Variants in SPRED1 observed in about 807,000 individuals in gnomAD.
The protein encoded by SPRED1 is sprouty-related, EVH1 domain-containing protein 1.
In SPRED1, 18 loss-of-function variants were observed where a neutral mutation model predicts 52.3. That is an observed-to-expected ratio of 0.34 (90% CI 0.24 to 0.51). The LOEUF (loss-of-function observed/expected upper bound fraction) is 0.51. Among genes scored for constraint, SPRED1 ranks in the 20% least tolerant of loss-of-function variants. SPRED1 has a pLI of 0.97. For synonymous variants in SPRED1, 155 were observed against 179.7 expected, an observed-to-expected ratio of 0.86 and a Z score of 1.10; for missense variants, 485 against 551.0, an observed-to-expected ratio of 0.88 and a Z score of 1.20.
chr15:38,346,445 G>T (rs1260009611), intron 5 of SPRED1, among the ~76,000 whole-genome samples: 2 of 151,942 alleles, frequency 1.3e-5, no homozygotes, highest in African/African-American at 4.8e-5. Flanking sequence ...AAATATGACA[G>T]CATATTTCAA....
intron 1 of SPRED1, among the ~76,000 whole-genome samples, chr15:38,261,910 G>C (rs1209060196): frequency 6.6e-6 from 1 of 151,356 alleles, no homozygotes; most frequent in East Asian, 1.9e-4. Context: ...TTAGTGAGTT[G>C]TGTCTTTTCT....
chr15:38,283,211 G>A (rs1329777401), intron 1 of SPRED1, among the ~76,000 whole-genome samples: 2 of 152,174 alleles, frequency 1.3e-5, no homozygotes, highest in African/African-American at 2.4e-5. Context: ...GGAGACAAGA[G>A]CGTGTTAAGG....
chr15:38,300,147 T>C (rs1895123901), intron 2 of SPRED1, among the ~76,000 whole-genome samples: 1 of 152,136 alleles, frequency 6.6e-6, no homozygotes, highest in Non-Finnish European at 1.5e-5. Context: ...AGATGTGTGG[T>C]TTCTTACCTG....
At chr15:38,347,876 A>G (rs920843924) in intron 5 of SPRED1, among the ~76,000 whole-genome samples, 1 of 152,088 alleles carries the variant, frequency 6.6e-6, no homozygotes, top group Non-Finnish European at 1.5e-5. Flanking sequence ...TAAAAAGCAG[A>G]AATTAATTGG....
intron 1 of SPRED1, among the ~76,000 whole-genome samples, chr15:38,271,328 A>C (rs917634549): frequency 6.6e-6 from 1 of 152,216 alleles, no homozygotes; most frequent in Non-Finnish European, 1.5e-5. Flanking sequence ...ACACATGTGC[A>C]TTGGAATGCT....
intron 4 of SPRED1, among the ~76,000 whole-genome samples, chr15:38,334,211 C>T (rs962302326): frequency 6.6e-6 from 1 of 151,850 alleles, no homozygotes; most frequent in Non-Finnish European, 1.5e-5. Flanking sequence ...GCATCTATAA[C>T]TAAATATTGT....
At chr15:38,316,175 C>G (rs965673585) in intron 2 of SPRED1, among the ~76,000 whole-genome samples, 2 of 151,992 alleles carry the variant, frequency 1.3e-5, no homozygotes, top group Admixed American at 6.6e-5. Context: ...TCCGCTGTCT[C>G]TTAACCTGGT....
At chr15:38,256,734 C>A (rs141588348) in intron 1 of SPRED1, among the ~76,000 whole-genome samples, 138 of 152,178 alleles carry the variant, frequency 9.1e-4, no homozygotes, top group Non-Finnish European at 1.5e-3. Context: ...AAAAAATATA[C>A]CCAGTGGTGA....
intron 5 of SPRED1, among the ~76,000 whole-genome samples, chr15:38,348,122 T>C (rs1896178538): frequency 6.6e-6 from 1 of 152,048 alleles, no homozygotes; most frequent in Non-Finnish European, 1.5e-5. Flanking sequence ...ATATTTAATA[T>C]ACTAGTTGAG....
At chr15:38,279,411 T>C (rs1421121174) in intron 1 of SPRED1, among the ~76,000 whole-genome samples, 5 of 152,178 alleles carry the variant, frequency 3.3e-5, no homozygotes, top group African/African-American at 1.2e-4. Flanking sequence ...GTCTTAAGAG[T>C]GGATGCAGAA....
intron 1 of SPRED1, among the ~76,000 whole-genome samples, chr15:38,290,144 A>G (rs1005024142): frequency 6.6e-6 from 1 of 152,330 alleles, no homozygotes; most frequent in South Asian, 2.1e-4. Context: ...ATGAACTCTC[A>G]TATTAATGTT....
intron 2 of SPRED1, among the ~76,000 whole-genome samples, chr15:38,318,389 T>G (rs1034963980): frequency 6.6e-6 from 1 of 152,198 alleles, no homozygotes; most frequent in African/African-American, 2.4e-5. Flanking sequence ...GTCAAAGAGC[T>G]AGTTCATTGG....
intron 5 of SPRED1, among the ~76,000 whole-genome samples, chr15:38,345,624 C>T (rs1009329383): frequency 6.6e-6 from 1 of 152,056 alleles, no homozygotes; most frequent in African/African-American, 2.4e-5. Context: ...TGTTGGTTTC[C>T]CTTGCTCCTC....
chr15:38,319,537 G>A (rs891629935), intron 2 of SPRED1, among the ~76,000 whole-genome samples: 1 of 152,084 alleles, frequency 6.6e-6, no homozygotes. Flanking sequence ...CCACCACCAC[G>A]CCCGGCTAAT....
intron 1 of SPRED1, among the ~76,000 whole-genome samples, chr15:38,263,636 G>A (rs564106384): frequency 6.6e-6 from 1 of 152,242 alleles, no homozygotes; most frequent in Non-Finnish European, 1.5e-5. Context: ...TGATTTCTAA[G>A]ACAAGGATAT....
At chr15:38,257,797 A>C (rs2140946732) in intron 1 of SPRED1, among the ~76,000 whole-genome samples, 1 of 152,350 alleles carries the variant, frequency 6.6e-6, no homozygotes, top group Middle Eastern at 3.4e-3. Flanking sequence ...ACTAGGGATA[A>C]AGAAGTGAAA....
chr15:38,324,735 C>T, intron 3 of SPRED1, 28 bp from the exon 4 acceptor site: 2 of 1,566,216 alleles, frequency 1.3e-6, no homozygotes, highest in South Asian at 1.2e-5. Context: ...AAATTCTATA[C>T]TTAATTAACT....
chr15:38,331,542 C>T (rs1473737393), intron 4 of SPRED1, among the ~76,000 whole-genome samples: 1 of 152,086 alleles, frequency 6.6e-6, no homozygotes, highest in Non-Finnish European at 1.5e-5. Flanking sequence ...TTGAGCATCC[C>T]TAATCCACAA....
rs60503156 is a variant in SPRED1, at chr15:38,266,643, A to AAAACAAAC, written c.32+13452_32+13459dup. Reference sequence around the variant, plus strand: ...GCAACAGAGTGAGACTCTGTCTCAAAAAACAAACAAACAAACAAACAAACA... The same window carrying AAAACAAAC: ...GCAACAGAGTGAGACTCTGTCTCAAAAAACAAACAAACAAACAAACAAACAAACAAACA... On this transcript the variant is annotated intron_variant, in intron 1 of 6. Transcript: ENST00000299084. Among the ~76,000 whole-genome samples the AAAACAAAC allele has an allele frequency of 6.4e-4, 97 of 151,884 alleles. 1 individual carries two copies. The highest frequency in any genetic ancestry group is 4.1e-3 in the Admixed American group (63 of 15,266).
Sources: gnomAD v4.1 joint callset for allele counts (sites outside exome capture counted in the v4.1 genomes callset) on GRCh38, gnomAD v4.1.1 for gene constraint, MANE v1.5 for transcripts, NCBI Gene and HGNC (gene_info 2026-07-23, HGNC 2026-07-21) for gene names.